Variants in CEP350 observed in about 807,000 individuals in gnomAD.
CEP350 encodes centrosome-associated protein 350.
Under a neutral mutation model 331.8 loss-of-function variants are expected in CEP350, and 126 were observed. The observed-to-expected ratio is 0.38, with a 90% CI of 0.33 to 0.44. CEP350 has a LOEUF of 0.44. CEP350 is among the 20% of genes least tolerant of loss of function. CEP350 has a pLI of 1.00. For missense variants in CEP350, 3,406 were observed against 3,634.6 expected, an observed-to-expected ratio of 0.94 and a Z score of 1.62; for synonymous variants, 1,200 against 1,259.5, an observed-to-expected ratio of 0.95 and a Z score of 1.00.
At position 179,986,152 on chromosome 1, in the gene CEP350, T is replaced by C; in HGVS notation, c.-13-17T>C. On this transcript the variant is annotated splice_polypyrimidine_tract_variant and intron_variant, in intron 1 of 37. Transcript: ENST00000367607. ...TATTATAAGATTGATGTTCGGTGAA[T>C]ACTGATGTGATTGCAGGTAAATTGG... The C allele has an allele frequency of 1.3e-6, 2 of 1,540,214 alleles. No individual in the cohort carries two copies. The highest frequency in any genetic ancestry group is 1.8e-6 in the Non-Finnish European group (2 of 1,137,512).
chr1:179,992,937 C>G (rs1401478534), intron 5 of CEP350, among the ~76,000 whole-genome samples: 2 of 152,050 alleles, frequency 1.3e-5, no homozygotes, highest in Non-Finnish European at 2.9e-5. Context: ...AAACACAAAT[C>G]AAGAAGTTTC....
intron 1 of CEP350, 66 bp downstream of exon 1, chr1:179,955,208 G>A: frequency 8.2e-7 from 1 of 1,216,004 alleles, no homozygotes; most frequent in Non-Finnish European, 1.0e-6. Context: ...CTCTGTCCGC[G>A]GTCCCGGGTC....
In CEP350 at chr1:180,014,243, G is replaced by T. The variant is rs572442531; in HGVS notation, c.1790G>T (p.Arg597Leu). Residue 597 changes from arginine (R) to leucine (L), a missense_variant, in exon 10 of 38, where the codon CGA becomes CTA. This residue lies in a region of CEP350 where 1,857 missense variants were observed against 1,909.2 expected (regional missense o/e 0.97). Coordinates refer to ENST00000367607, the MANE Select transcript of CEP350 (RefSeq NM_014810.5). ...KRRHYDTDEVRQYIVRQQEER... is the reference protein window; with the variant it reads ...KRRHYDTDEVLQYIVRQQEER... ...CGCCACTATGACACAGATGAGGTAC[G>T]ACAGTACATTGTTAGGCAGCAGGAG... 1.2e-5 allele frequency: 20 copies of T among 1,609,816 alleles called. No homozygotes were observed. In the African/African-American group the frequency reaches 2.7e-4, roughly 21 times the overall value.
chr1:179,991,158 C>T (rs1374332700), intron 4 of CEP350, among the ~76,000 whole-genome samples: 1 of 151,340 alleles, frequency 6.6e-6, no homozygotes, highest in African/African-American at 2.4e-5. Context: ...ATATATAGCA[C>T]TTTGGAAATG....
intron 1 of CEP350, among the ~76,000 whole-genome samples, chr1:179,980,555 G>A (rs192071693): frequency 6.6e-6 from 1 of 151,812 alleles, no homozygotes; most frequent in African/African-American, 2.4e-5. Flanking sequence ...CCTAATTACT[G>A]TGGCTAAGGT....
chr1:180,005,773 A>T (rs2148766507), intron 7 of CEP350, among the ~76,000 whole-genome samples: 1 of 152,226 alleles, frequency 6.6e-6, no homozygotes. Context: ...GTCCACTCAC[A>T]CTGACCTGCT....
In CEP350 at chr1:180,015,207, A is replaced by ATTGT. The variant is rs1245385951; in HGVS notation, c.2053-639_2053-636dup. 2.9e-3 allele frequency among the ~76,000 whole-genome samples: 393 copies of ATTGT among 135,836 alleles called. 3 individuals carry two copies. The highest frequency in any genetic ancestry group is 0.011 in the African/African-American group (359 of 33,166). The allele number at this position is 135,836 out of a possible 152,430, so 89.1% of individuals were successfully genotyped here. A position where few individuals can be genotyped will look rare whatever the true frequency, so the allele number is the denominator to read the frequency against. On this transcript the variant is annotated intron_variant, in intron 10 of 37. Coordinates refer to ENST00000367607, the MANE Select transcript of CEP350 (RefSeq NM_014810.5). ...AGGTGTGCACCACCATGCCTAGGAA[A>ATTGT]TTGTTTATTTATTTATTTATTTATT...
At chr1:180,084,826 T>TATTC (rs1255599402) in intron 31 of CEP350, among the ~76,000 whole-genome samples, 2 of 152,096 alleles carry the variant, frequency 1.3e-5, no homozygotes, top group Non-Finnish European at 2.9e-5. Flanking sequence ...ATTGCACCTG[T>TATTC]GAATAGCCAC....
chr1:179,977,205 G>A (rs1651938025), intron 1 of CEP350, among the ~76,000 whole-genome samples: 1 of 152,160 alleles, frequency 6.6e-6, no homozygotes, highest in African/African-American at 2.4e-5. Context: ...TAGTGGATAG[G>A]GGTAATTCCC....
rs764868022 is a variant in CEP350 at position 180,041,268 on chromosome 1, G to T, written c.4221+20G>T. 6 of 1,525,304 alleles carry T rather than the reference G, an allele frequency of 3.9e-6. No homozygotes were observed. The highest frequency in any genetic ancestry group is 4.8e-5 in the East Asian group (2 of 41,752). 94.5% of individuals were successfully genotyped at this position (1,525,304 alleles called of 1,614,324 possible). A position where few individuals can be genotyped will look rare whatever the true frequency, so the allele number is the denominator to read the frequency against. On this transcript the variant is annotated intron_variant, in intron 18 of 37. Coordinates refer to ENST00000367607, the MANE Select transcript of CEP350 (RefSeq NM_014810.5). ...GCTCAGGTAACTTATTTTGCAGCAG[G>T]TTCTTGTTTTTTAAACCTAAATTTG...
At chr1:180,036,127 G>A (rs1174086417) in intron 16 of CEP350, among the ~76,000 whole-genome samples, 1 of 152,198 alleles carries the variant, frequency 6.6e-6, no homozygotes, top group Non-Finnish European at 1.5e-5. Context: ...GAAATAGCAA[G>A]AGAACTAGAA....
Position 180,062,315 on chromosome 1 carries a change from G to A in CEP350, c.5358G>A (p.Gln1786=). 6.2e-7 allele frequency: 1 copy of A among 1,610,874 alleles called. No homozygotes were observed. Among genetic ancestry groups the A allele is most frequent in the Non-Finnish European group, 8.5e-7 (1 of 1,178,338 alleles). ...KQQEEIEKIR[Q]TTIKLQEKLK... ...AGGAGGAGATAGAAAAGATCCGACA[G>A]ACCACCATAAAACTACAGGAGAAAT... is the stretch of plus-strand genomic sequence containing the variant. The change falls in exon 26 of 38, where the codon CAG becomes CAA. Residue 1786 remains glutamine, a synonymous_variant. Coordinates refer to ENST00000367607, the MANE Select transcript of CEP350 (RefSeq NM_014810.5).
In CEP350 at chr1:180,087,590, T is replaced by C; in HGVS notation, c.6298T>C (p.Phe2100Leu). Residue 2100 changes from phenylalanine (F) to leucine (L), a missense_variant, in exon 32 of 38, where the codon TTT becomes CTT. Phe to Leu is a conservative substitution (Grantham distance 22). Transcript: ENST00000367607. ...TTTCTAAACTTAGTCATATGATGAATTTATTAAGAAAACTGAAGCCGAGCT... is the reference window on the plus strand; with the variant it reads ...TTTCTAAACTTAGTCATATGATGAACTTATTAAGAAAACTGAAGCCGAGCT... The part of the protein sequence containing the change: ...LIKQLESYDE[F>L]IKKTEAELSQ... 1.3e-6 allele frequency: 2 copies of C among 1,541,864 alleles called. No individual in the cohort carries two copies. The highest frequency in any genetic ancestry group is 1.8e-6 in the Non-Finnish European group (2 of 1,141,208).
intron 17 of CEP350, among the ~76,000 whole-genome samples, chr1:180,039,798 A>G (rs1656636646): frequency 1.3e-5 from 2 of 152,148 alleles, no homozygotes; most frequent in Admixed American, 1.3e-4. Flanking sequence ...TTCAACAACA[A>G]CAACAACAAA....
Position 180,014,270 on chromosome 1 carries a change from A to C in CEP350, c.1817A>C (p.Glu606Ala), listed in dbSNP as rs780116820. The C allele has an allele frequency of 4.2e-5, 67 of 1,603,654 alleles. No homozygotes were observed. The Middle Eastern group carries it at 4.9e-4, about 12-fold the overall frequency. ...VRQYIVRQQE[E>A]RKRKQNEEKK... ...CAGTACATTGTTAGGCAGCAGGAGGAAAGGAAGAGAAAGCAAAATGAAGAG... is the reference window on the plus strand; with the variant it reads ...CAGTACATTGTTAGGCAGCAGGAGGCAAGGAAGAGAAAGCAAAATGAAGAG... The change falls in exon 10 of 38, where the codon GAA becomes GCA. Residue 606 changes from glutamate (E) to alanine (A), a missense_variant. Physicochemically the swap from Glu to Ala is moderately radical, Grantham distance 107. Coordinates refer to ENST00000367607, the MANE Select transcript of CEP350 (RefSeq NM_014810.5).
intron 5 of CEP350, among the ~76,000 whole-genome samples, chr1:179,994,455 T>C (rs1279566432): frequency 6.9e-6 from 1 of 144,768 alleles, no homozygotes; most frequent in Non-Finnish European, 1.5e-5. Flanking sequence ...TTTCTTTCTT[T>C]CTTTTTTTTT....
chr1:180,022,494 C>T (rs978834294), intron 12 of CEP350, among the ~76,000 whole-genome samples: 4 of 151,902 alleles, frequency 2.6e-5, no homozygotes, highest in African/African-American at 9.7e-5. Context: ...TACTAGTCTC[C>T]CTGTTTTCTG....
intron 22 of CEP350, among the ~76,000 whole-genome samples, chr1:180,049,802 A>G (rs1470310096): frequency 6.6e-6 from 1 of 152,202 alleles, no homozygotes; most frequent in East Asian, 1.9e-4. Context: ...TTGGCCTCCC[A>G]AAGTGCTGGG....
intron 1 of CEP350, among the ~76,000 whole-genome samples, chr1:179,975,030 T>C (rs1249891182): frequency 2.0e-5 from 3 of 151,706 alleles, no homozygotes; most frequent in Non-Finnish European, 4.4e-5. Context: ...ATGAAGAGAA[T>C]ACTATAGGAA....
Sources: gnomAD v4.1 joint callset for allele counts (sites outside exome capture counted in the v4.1 genomes callset) on GRCh38, gnomAD v4.1.1 for gene constraint, gnomAD v4.1.1 regional missense constraint, MANE v1.5 for transcripts, NCBI Gene and HGNC (gene_info 2026-07-23, HGNC 2026-07-21) for gene names.